Variants in WASHC3 observed in about 807,000 individuals in gnomAD.
WASHC3 encodes the protein WASH complex subunit CCDC53.
WASHC3 carries 24 observed loss-of-function variants against 26.1 expected under a neutral mutation model. That is an observed-to-expected ratio of 0.92 (90% confidence interval 0.66 to 1.29). WASHC3 has a LOEUF of 1.29. WASHC3 is among the 50% of genes most tolerant of loss of function. The pLI, the probability that WASHC3 is intolerant of heterozygous loss-of-function variation, is 0.00. For missense variants in WASHC3, 214 were observed against 229.6 expected, an observed-to-expected ratio of 0.93 and a Z score of 0.44; for synonymous variants, 77 against 75.7, an observed-to-expected ratio of 1.02 and a Z score of -0.09.
chr12:102,059,686 C>T (rs971406438), intron 2 of WASHC3: 3 of 152,122 alleles, frequency 2.0e-5, no homozygotes, highest in South Asian at 2.1e-4. Context: ...TTGCTTTGTT[C>T]TTTATTTTTC....
At chr12:102,024,066 G>A (rs1021615069) in intron 6 of WASHC3, among the ~76,000 whole-genome samples, 1 of 152,022 alleles carries the variant, frequency 6.6e-6, no homozygotes, top group African/African-American at 2.4e-5. Flanking sequence ...AGAGAGAAAG[G>A]AAAACATTTA....
chr12:102,042,441 T>G (rs770188308), intron 4 of WASHC3, among the ~76,000 whole-genome samples: 1 of 152,002 alleles, frequency 6.6e-6, no homozygotes, highest in Non-Finnish European at 1.5e-5. Context: ...CTGAAAACAG[T>G]GTAGTGTAGT....
rs757855416 is a variant in WASHC3 at position 102,061,244 on chromosome 12, C to G, written c.150+4G>C. Reference sequence around the variant, plus strand: ...ACTCTATAAACCAGTATCACCGGACCTACCTCCTCACAAACTGTAGAAAAG... The same window carrying G: ...ACTCTATAAACCAGTATCACCGGACGTACCTCCTCACAAACTGTAGAAAAG... On this transcript the variant is annotated splice_donor_region_variant and intron_variant, in intron 2 of 6. Coordinates refer to ENST00000240079, the MANE Select transcript of WASHC3 (RefSeq NM_016053.4). The G allele has an allele frequency of 6.2e-7, 1 of 1,607,134 alleles. No homozygotes were observed.
In WASHC3 at chr12:102,056,815, A is replaced by G. The variant is rs567477634; in HGVS notation, c.150+4433T>C. Among the ~76,000 whole-genome samples the G allele has an allele frequency of 3.3e-4, 50 of 152,310 alleles. 1 individual carries two copies. In the South Asian group the frequency reaches 9.5e-3, roughly 29 times the overall value. The stretch of plus-strand genomic sequence containing the variant: ...AAAACCCCCAGGACTTGATGCCTTC[A>G]CTACTGAATTCTACCAAACATTTAA... On this transcript the variant is annotated intron_variant, in intron 2 of 6. Transcript: ENST00000240079.
At chr12:102,016,867 G>T (rs1317648476) in intron 6 of WASHC3, among the ~76,000 whole-genome samples, 1 of 151,964 alleles carries the variant, frequency 6.6e-6, no homozygotes, top group Non-Finnish European at 1.5e-5. Context: ...TAGTTAAAAA[G>T]GTAAAAAGTT....
At position 102,013,129 on chromosome 12, in the gene WASHC3, G is replaced by T; in HGVS notation, c.564C>A (p.Ser188Arg). 1 of 1,517,896 alleles carries T rather than the reference G, an allele frequency of 6.6e-7. No individual in the cohort carries two copies. The highest frequency in any genetic ancestry group is 9.0e-7 in the Non-Finnish European group (1 of 1,112,602). The allele number at this position is 1,517,896 out of a possible 1,614,324, so 94.0% of individuals were successfully genotyped here. ...SEKTVEESSD[S>R]ESSFSD ...AAGCTTAATCACTAAAAGAAGATTC[G>T]CTATCTGAACTTTCTTCTACAGTTT... The change falls in exon 7 of 7, where the codon AGC (serine) becomes AGA (arginine). Residue 188 changes from serine to arginine, a missense_variant. By Grantham distance (110) the Ser-to-Arg change is moderately radical (BLOSUM62 -1). Transcript: ENST00000240079.
At chr12:102,054,077 T>C (rs989138817) in intron 2 of WASHC3, among the ~76,000 whole-genome samples, 2 of 152,120 alleles carry the variant, frequency 1.3e-5, no homozygotes, top group African/African-American at 4.8e-5. Flanking sequence ...AAAAACCTAA[T>C]AGTAAATACA....
rs548849370 is a variant in WASHC3, at chr12:102,056,945, C to G, written c.150+4303G>C. Among the ~76,000 whole-genome samples the G allele has an allele frequency of 6.6e-5, 10 of 152,230 alleles. No homozygotes were observed. In the East Asian group the frequency reaches 1.9e-3, roughly 29 times the overall value. Reference sequence around the variant, plus strand: ...GCCAGCATTATCCTGATTCCAAAGCCAGACAAATCCACTACAAGAAAAGAA... The same window carrying G: ...GCCAGCATTATCCTGATTCCAAAGCGAGACAAATCCACTACAAGAAAAGAA... On this transcript the variant is annotated intron_variant, in intron 2 of 6. Transcript: ENST00000240079.
intron 3 of WASHC3, 29 bp from the exon 4 acceptor site, chr12:102,044,241 T>C: frequency 8.5e-7 from 1 of 1,180,992 alleles, no homozygotes; most frequent in Non-Finnish European, 1.2e-6. Context: ...TATTGGAATA[T>C]GAAGATAGTA....
intron 5 of WASHC3, among the ~76,000 whole-genome samples, chr12:102,026,714 A>G (rs1877208137): frequency 6.6e-6 from 1 of 152,250 alleles, no homozygotes; most frequent in African/African-American, 2.4e-5. Context: ...TGAAAAGGAA[A>G]GAGACTTGAT....
chr12:102,027,172 T>C (rs909276705), intron 5 of WASHC3, among the ~76,000 whole-genome samples: 7 of 152,242 alleles, frequency 4.6e-5, no homozygotes, highest in African/African-American at 1.7e-4. Context: ...ATTTATTATT[T>C]GCGGTAAGAA....
chr12:102,020,001 C>T (rs1876882361), intron 6 of WASHC3, among the ~76,000 whole-genome samples: 1 of 152,150 alleles, frequency 6.6e-6, no homozygotes, highest in Non-Finnish European at 1.5e-5. Flanking sequence ...TATCCACTTC[C>T]TTGTTTCAGT....
At chr12:102,055,964 A>C (rs1878577813) in intron 2 of WASHC3, among the ~76,000 whole-genome samples, 1 of 152,232 alleles carries the variant, frequency 6.6e-6, no homozygotes, top group African/African-American at 2.4e-5. Flanking sequence ...CTTCGTTCAC[A>C]TACTCTACCT....
intron 6 of WASHC3, among the ~76,000 whole-genome samples, chr12:102,014,471 C>T (rs1264852870): frequency 1.3e-5 from 2 of 152,100 alleles, no homozygotes; most frequent in African/African-American, 4.8e-5. Flanking sequence ...AACTCATATT[C>T]ACCACAAACA....
At chr12:102,015,208 C>T (rs1426480785) in intron 6 of WASHC3, among the ~76,000 whole-genome samples, 1 of 152,052 alleles carries the variant, frequency 6.6e-6, no homozygotes, top group Non-Finnish European at 1.5e-5. Context: ...AGGTGTATCA[C>T]TTGAGCCTGG....
intron 6 of WASHC3, among the ~76,000 whole-genome samples, chr12:102,016,435 C>T (rs1876705444): frequency 1.3e-5 from 2 of 152,078 alleles, no homozygotes; most frequent in African/African-American, 2.4e-5. Flanking sequence ...GAACTCCTGA[C>T]CTCAGGTGAT....
At chr12:102,042,616 C>T (rs577648539) in intron 4 of WASHC3, among the ~76,000 whole-genome samples, 1 of 152,258 alleles carries the variant, frequency 6.6e-6, no homozygotes, top group Admixed American at 6.5e-5. Flanking sequence ...ATGGTGCTTA[C>T]ATTATAGGGC....
intron 2 of WASHC3, among the ~76,000 whole-genome samples, 193 bp downstream of exon 2, chr12:102,061,051 CACTA>C (rs1878789813): frequency 6.7e-6 from 1 of 150,132 alleles, no homozygotes; most frequent in Non-Finnish European, 1.5e-5. Context: ...ACCTCTAGAA[CACTA>C]ACTCAGTAGA....
At chr12:102,017,994 C>T (rs1262505486) in intron 6 of WASHC3, among the ~76,000 whole-genome samples, 1 of 152,148 alleles carries the variant, frequency 6.6e-6, no homozygotes, top group Admixed American at 6.5e-5. Context: ...CTGCTGACAA[C>T]CACTATTCTT....
Sources: allele counts gnomAD v4.1 joint callset (sites outside exome capture counted in the v4.1 genomes callset), GRCh38; gene constraint gnomAD v4.1.1; transcripts MANE v1.5; gene names NCBI Gene and HGNC (gene_info 2026-07-23, HGNC 2026-07-21).